APBB2: variants seen among roughly 807,000 people sequenced by gnomAD.
APBB2 encodes the protein Fe65-like 1.
In APBB2, 38 loss-of-function variants were observed where a neutral mutation model predicts 82.5. The ratio of observed to expected loss-of-function variants is 0.46; its 90% confidence interval spans 0.36 to 0.60. APBB2 has a LOEUF of 0.60. APBB2 is among the 20% of genes least tolerant of loss of function. The pLI is 0.00. For synonymous variants in APBB2, 341 were observed against 368.2 expected (o/e 0.93, Z 0.85); for missense variants, 772 against 972.3 (o/e 0.79, Z 2.74).
chr4:41,186,791 T>C (rs1773021938), intron 1 of APBB2, among the ~76,000 whole-genome samples: 2 of 152,210 alleles, frequency 1.3e-5, no homozygotes, highest in African/African-American at 4.8e-5. Flanking sequence ...TGTTGGGTGT[T>C]CACAGCAACC....
intron 2 of APBB2, among the ~76,000 whole-genome samples, chr4:41,142,520 C>T (rs1298386107): frequency 6.6e-6 from 1 of 152,210 alleles, no homozygotes; most frequent in African/African-American, 2.4e-5. Flanking sequence ...AGGCTCACAG[C>T]CAGAATTATC....
chr4:41,167,733 G>A (rs972524384), intron 1 of APBB2, among the ~76,000 whole-genome samples: 6 of 152,204 alleles, frequency 3.9e-5, no homozygotes, highest in Admixed American at 2.0e-4. Context: ...TCTGGTCTCA[G>A]TGACCAGCTG....
intron 4 of APBB2, among the ~76,000 whole-genome samples, chr4:41,059,944 CACTCCAGCCTATGTA>C (rs1186934991): frequency 6.6e-6 from 1 of 151,232 alleles, no homozygotes; most frequent in African/African-American, 2.4e-5. Flanking sequence ...CGTGCCACTC[CACTCCAGCCTATGTA>C]ACAAACAGCA....
At chr4:41,052,062 G>C (rs1340341752) in intron 4 of APBB2, among the ~76,000 whole-genome samples, 1 of 152,086 alleles carries the variant, frequency 6.6e-6, no homozygotes, top group Non-Finnish European at 1.5e-5. Flanking sequence ...GCTTTTCACT[G>C]GTTACCAAAT....
intron 4 of APBB2, among the ~76,000 whole-genome samples, chr4:41,045,138 A>AT (rs1043479787): frequency 5.3e-5 from 8 of 151,458 alleles, no homozygotes; most frequent in South Asian, 2.1e-4. Context: ...TTCTAAGATG[A>AT]TTTTTTTTAA....
At chr4:40,967,060 C>T (rs1215699693) in intron 6 of APBB2, among the ~76,000 whole-genome samples, 1 of 152,160 alleles carries the variant, frequency 6.6e-6, no homozygotes, top group Non-Finnish European at 1.5e-5. Flanking sequence ...ACCCCAGGTT[C>T]AGCCAGACTC....
chr4:40,909,981 T>A (rs982584763), intron 10 of APBB2, among the ~76,000 whole-genome samples: 11 of 152,210 alleles, frequency 7.2e-5, no homozygotes, highest in African/African-American at 2.7e-4. Flanking sequence ...AATTGTCTAA[T>A]GTCACAATGT....
intron 8 of APBB2, 182 bp downstream of exon 8, chr4:40,934,895 G>A (rs776976980): frequency 2.1e-5 from 14 of 676,722 alleles, no homozygotes; most frequent in Non-Finnish European, 3.0e-5. Flanking sequence ...GGAACCTAGG[G>A]CATTCACAAT....
intron 1 of APBB2, among the ~76,000 whole-genome samples, chr4:41,198,524 A>T: frequency 6.6e-6 from 1 of 152,120 alleles, no homozygotes; most frequent in Admixed American, 6.5e-5. Flanking sequence ...TTTTAGTCCT[A>T]TTTTACAGAT....
chr4:41,038,305 T>C (rs1438786225), intron 4 of APBB2, among the ~76,000 whole-genome samples: 1 of 152,228 alleles, frequency 6.6e-6, no homozygotes, highest in Admixed American at 6.5e-5. Flanking sequence ...TAAATAATTC[T>C]AAAGAGGAAT....
At chr4:40,817,708 G>C (rs986313597) in intron 17 of APBB2, among the ~76,000 whole-genome samples, 1 of 151,998 alleles carries the variant, frequency 6.6e-6, no homozygotes, top group Non-Finnish European at 1.5e-5. Flanking sequence ...ATATTAACAG[G>C]CTCTTTAGTA....
At chr4:40,927,897 G>T (rs1408304433) in intron 10 of APBB2, among the ~76,000 whole-genome samples, 1 of 152,154 alleles carries the variant, frequency 6.6e-6, no homozygotes, top group East Asian at 1.9e-4. Flanking sequence ...TGACAAAACG[G>T]TATATATATT....
intron 6 of APBB2, among the ~76,000 whole-genome samples, chr4:40,989,509 C>T (rs773198642): frequency 4.7e-5 from 7 of 148,670 alleles, no homozygotes; most frequent in Non-Finnish European, 7.5e-5. Context: ...TTTAATTTCC[C>T]TTGAGTAGAA....
At chr4:40,946,048 T>C (rs895485802) in intron 6 of APBB2, among the ~76,000 whole-genome samples, 6 of 151,890 alleles carry the variant, frequency 4.0e-5, no homozygotes, top group Non-Finnish European at 8.8e-5. Context: ...GCCTGACCAA[T>C]GTGGTGAAAG....
chr4:41,128,390 AC>A (rs1355207622), intron 2 of APBB2, among the ~76,000 whole-genome samples: 1 of 152,208 alleles, frequency 6.6e-6, no homozygotes, highest in Non-Finnish European at 1.5e-5. Flanking sequence ...CTGCCATTCA[AC>A]CCAGCAATCC....
intron 12 of APBB2, among the ~76,000 whole-genome samples, chr4:40,854,628 A>G (rs539380366): frequency 4.3e-4 from 65 of 152,242 alleles, no homozygotes; most frequent in African/African-American, 1.5e-3. Flanking sequence ...CTCTACTAAA[A>G]ATACAAAAAA....
At position 40,880,127 on chromosome 4, in the gene APBB2, G is replaced by C. The variant is rs543497829; in HGVS notation, c.1529+10237C>G. On this transcript the variant is annotated intron_variant, in intron 12 of 17. Transcript: ENST00000508593. ...TCAGTGATGATCTCCAGTGCGGATG[G>C]AGACAGTGGCACACAGAGCGCCCCT... 5 of 985,444 alleles carry C rather than the reference G, an allele frequency of 5.1e-6. No homozygotes were observed. The Admixed American group carries it at 1.8e-4, about 36-fold the overall frequency. The allele number at this position is 985,444 out of a possible 1,614,324, so 61.0% of individuals were successfully genotyped here.
chr4:40,949,951 G>A (rs1019043406), intron 6 of APBB2, among the ~76,000 whole-genome samples: 1 of 152,136 alleles, frequency 6.6e-6, no homozygotes, highest in South Asian at 2.1e-4. Flanking sequence ...GTCCTCTTAG[G>A]GGGTGAGATT....
At chr4:41,162,712 C>T (rs1370522102) in intron 1 of APBB2, among the ~76,000 whole-genome samples, 1 of 151,914 alleles carries the variant, frequency 6.6e-6, no homozygotes, top group African/African-American at 2.4e-5. Context: ...CAAAATTAGC[C>T]GGGCAAGGTG....
Sources: allele counts gnomAD v4.1 joint callset (sites outside exome capture counted in the v4.1 genomes callset), GRCh38; gene constraint gnomAD v4.1.1; transcripts MANE v1.5; gene names NCBI Gene and HGNC (gene_info 2026-07-23, HGNC 2026-07-21).